ITPRID2: variants seen among roughly 807,000 people sequenced by gnomAD.
ITPRID2 encodes protein ITPRID2.
A neutral mutation model predicts 124.3 loss-of-function variants in ITPRID2; 60 were observed. That is an observed-to-expected ratio of 0.48 (90% CI 0.39 to 0.60). The LOEUF (loss-of-function observed/expected upper bound fraction) is 0.60. Among genes scored for constraint, ITPRID2 ranks in the 20% least tolerant of loss-of-function variants. The probability of loss-of-function intolerance (pLI) is 0.00; values close to 1 mark genes in which losing one functional copy is unlikely to be tolerated. For missense variants in ITPRID2, 1,553 were observed against 1,512.2 expected (o/e 1.03, Z -0.45); for synonymous variants, 521 against 542.9 (o/e 0.96, Z 0.56).
Position 181,917,120 on chromosome 2 carries a change from C to T in ITPRID2, c.2787+693C>T, listed in dbSNP as rs150402366. ...CCCAAAAAAATTTTGAAAATAAGTA[C>T]GTTGTCTTCAGTTTTGCCTTTTACA... On this transcript the variant is annotated intron_variant, in intron 11 of 17. Coordinates refer to ENST00000431877, the MANE Select transcript of ITPRID2 (RefSeq NM_001130445.3). 36 of 501,010 alleles carry T rather than the reference C, an allele frequency of 7.2e-5. No individual in the cohort carries two copies. The East Asian group carries it at 3.3e-3, about 46-fold the overall frequency. The allele number at this position is 501,010 out of a possible 1,614,324, so 31.0% of individuals were successfully genotyped here.
chr2:181,903,922 A>G (rs759736146), intron 8 of ITPRID2, among the ~76,000 whole-genome samples: 1 of 152,174 alleles, frequency 6.6e-6, no homozygotes, highest in Non-Finnish European at 1.5e-5. Context: ...TGACAATTAG[A>G]TATGGCAGTT....
intron 9 of ITPRID2, among the ~76,000 whole-genome samples, chr2:181,911,799 TAGA>T (rs1284659058): frequency 1.3e-5 from 2 of 152,334 alleles, no homozygotes; most frequent in Non-Finnish European, 2.9e-5. Context: ...GTGAGATAGA[TAGA>T]AGAATTATTA....
intron 16 of ITPRID2, 38 bp from the exon 17 acceptor site, chr2:181,928,123 T>TTTACC: frequency 7.5e-7 from 1 of 1,340,170 alleles, no homozygotes; most frequent in South Asian, 1.4e-5. Flanking sequence ...ATTCCATTCA[T>TTTACC]ATTGGTAAAT....
intron 15 of ITPRID2, 69 bp downstream of exon 15, chr2:181,920,731 A>G (rs775965441): frequency 8.9e-7 from 1 of 1,128,480 alleles, no homozygotes; most frequent in Non-Finnish European, 1.3e-6. Flanking sequence ...TAGTTTCCCT[A>G]GTTTAGATGA....
chr2:181,892,372 G>T lies in ITPRID2; in HGVS notation c.211+95G>T. ...CTGCCACGAGTTCTGGGAGAGCCTC[G>T]GGCACGGTAGGCCGAGGGGAGAGGG... On this transcript the variant is annotated intron_variant, in intron 1 of 17. Coordinates refer to ENST00000431877, the MANE Select transcript of ITPRID2 (RefSeq NM_001130445.3). This position sits in a 1 kb window ranked among gnomAD's most constrained non-coding sequence, Gnocchi z 5.2. The T allele has an allele frequency of 7.3e-7, 1 of 1,374,650 alleles. No homozygotes were observed. The highest frequency in any genetic ancestry group is 1.4e-5 in the African/African-American group (1 of 69,314). 85.2% of individuals were successfully genotyped at this position (1,374,650 alleles called of 1,614,324 possible).
At chr2:181,893,696 A>G (rs1296019049) in intron 2 of ITPRID2, 1 of 152,240 alleles carries the variant, frequency 6.6e-6, no homozygotes, top group East Asian at 1.9e-4. Flanking sequence ...AGATGCACAG[A>G]GGCAAATACA....
At position 181,916,340 on chromosome 2, in the gene ITPRID2, G is replaced by A. The variant is rs1003905653; in HGVS notation, c.2700G>A (p.Val900=). ...SHRHATYPYR[V]CSVNPPSAIE... Reference sequence around the variant, plus strand: ...GACATGCCACCTACCCTTACCGAGTGTGCTCTGTGAATCCTCCTTCAGCCA... The same window carrying A: ...GACATGCCACCTACCCTTACCGAGTATGCTCTGTGAATCCTCCTTCAGCCA... The change falls in exon 11 of 18, where the codon GTG becomes GTA. Residue 900 remains valine (V), a synonymous_variant. Transcript: ENST00000431877. 1.9e-6 allele frequency: 3 copies of A among 1,614,194 alleles called. No individual in the cohort carries two copies. Among genetic ancestry groups the A allele is most frequent in the Non-Finnish European group, 2.5e-6 (3 of 1,180,034 alleles).
chr2:181,903,514 T>C (rs774548145), intron 8 of ITPRID2, among the ~76,000 whole-genome samples: 2 of 151,940 alleles, frequency 1.3e-5, no homozygotes, highest in African/African-American at 2.4e-5. Context: ...TCTCTCTTGC[T>C]CCCTCCCTCC....
Position 181,892,588 on chromosome 2 carries a change from C to G in ITPRID2, c.212-27C>G, listed in dbSNP as rs368099247. ...CCGTCGTAGTGCTCCTGGGTGGTAA[C>G]GTGCTGTCCCCTCTCTCTACCCCCA... On this transcript the variant is annotated intron_variant, in intron 1 of 17. Coordinates refer to ENST00000431877, the MANE Select transcript of ITPRID2 (RefSeq NM_001130445.3). This position sits in a 1 kb window ranked among gnomAD's most constrained non-coding sequence, Gnocchi z 5.2. 8.9e-5 allele frequency: 143 copies of G among 1,613,916 alleles called. 2 individuals are homozygous for G. The highest frequency in any genetic ancestry group is 4.9e-4 in the Middle Eastern group (3 of 6,084).
At chr2:181,920,576 A>G (rs1694410282) in intron 14 of ITPRID2, 21 bp from the exon 15 acceptor site, 2 of 1,585,058 alleles carry the variant, frequency 1.3e-6, no homozygotes, top group South Asian at 1.1e-5. Flanking sequence ...ATACATATAT[A>G]TATTGTTCTT....
Position 181,910,531 on chromosome 2 carries a change from G to A in ITPRID2, c.1486+560G>A, listed in dbSNP as rs1693517460. On this transcript the variant is annotated intron_variant, in intron 9 of 17. Transcript: ENST00000431877. This position sits in a 1 kb window ranked among gnomAD's most constrained non-coding sequence, Gnocchi z 4.1. ...AATCCATCCCTTTCACTTTTAACTT[G>A]CAACAACAACAACAACAAAAATGTG... 1 of 654,502 alleles carries A rather than the reference G, an allele frequency of 1.5e-6. No individual in the cohort carries two copies. The highest frequency in any genetic ancestry group is 2.8e-5 in the East Asian group (1 of 35,274). The allele number at this position is 654,502 out of a possible 1,614,324, so 40.5% of individuals were successfully genotyped here. A position where few individuals can be genotyped will look rare whatever the true frequency, so the allele number is the denominator to read the frequency against.
Position 181,915,412 on chromosome 2 carries a change from C to G in ITPRID2, c.1772C>G (p.Ser591Ter). The part of the protein sequence containing the change: ...KAAAVADKRK[S>*]GSQDFPQCNT... Reference sequence around the variant, plus strand: ...GCAGCAGTTGCAGACAAAAGAAAATCAGGTAGCCAGGATTTCCCTCAGTGC... The same window carrying G: ...GCAGCAGTTGCAGACAAAAGAAAATGAGGTAGCCAGGATTTCCCTCAGTGC... The change falls in exon 11 of 18, where the codon TCA becomes TGA. Residue 591 changes from serine (S) to a stop codon, truncating the protein, a stop_gained. Transcript: ENST00000431877. LOFTEE classifies it high-confidence loss of function. 6.2e-7 allele frequency: 1 copy of G among 1,614,116 alleles called. No individual in the cohort carries two copies. The highest frequency in any genetic ancestry group is 8.5e-7 in the Non-Finnish European group (1 of 1,180,022).
rs1229814644 is a variant in ITPRID2, at chr2:181,907,290, A to G, written c.1414-2609A>G. On this transcript the variant is annotated intron_variant, in intron 8 of 17. Transcript: ENST00000431877. This position sits in a 1 kb window ranked among gnomAD's most constrained non-coding sequence, Gnocchi z 5.1. ...AAAGAAACCAAAGTGAGTGCCTGTCATTTTAGCAGAACATTGATTTAGAAA... is the reference window on the plus strand; with the variant it reads ...AAAGAAACCAAAGTGAGTGCCTGTCGTTTTAGCAGAACATTGATTTAGAAA... Among the ~76,000 whole-genome samples, 1 of 152,194 alleles carries G rather than the reference A, an allele frequency of 6.6e-6. No individual in the cohort carries two copies. Among genetic ancestry groups the G allele is most frequent in the African/African-American group, 2.4e-5 (1 of 41,452 alleles).
At chr2:181,918,330 A>G in intron 11 of ITPRID2, 1 of 1,193,906 alleles carries the variant, frequency 8.4e-7, no homozygotes, top group Non-Finnish European at 1.0e-6. Context: ...TAGTTTCGCA[A>G]GAGGGAAGTC....
rs1022183726 is a variant in ITPRID2, at chr2:181,896,769, A to G, written c.308-139A>G. 7.2e-6 allele frequency: 5 copies of G among 693,340 alleles called. No individual in the cohort carries two copies. The highest frequency in any genetic ancestry group is 1.3e-5 in the Non-Finnish European group (5 of 388,134). 42.9% of individuals were successfully genotyped at this position (693,340 alleles called of 1,614,324 possible). A position where few individuals can be genotyped will look rare whatever the true frequency, so the allele number is the denominator to read the frequency against. Reference sequence around the variant, plus strand: ...TGCTTCTTGAAGTTATATAATCAGAATAATGTCTGAGTACATTCAAGTCTG... The same window carrying G: ...TGCTTCTTGAAGTTATATAATCAGAGTAATGTCTGAGTACATTCAAGTCTG... On this transcript the variant is annotated intron_variant, in intron 3 of 17. Coordinates refer to ENST00000431877, the MANE Select transcript of ITPRID2 (RefSeq NM_001130445.3). The surrounding 1 kb of genome is among the most constrained non-coding windows in gnomAD (Gnocchi z 4.3).
At position 181,922,377 on chromosome 2, in the gene ITPRID2, G is replaced by A. The variant is rs2071644936; in HGVS notation, c.3640G>A (p.Val1214Met). 6.2e-7 allele frequency: 1 copy of A among 1,613,554 alleles called. No homozygotes were observed. Among genetic ancestry groups the A allele is most frequent in the Non-Finnish European group, 8.5e-7 (1 of 1,179,740 alleles). The change falls in exon 16 of 18, where the codon GTG becomes ATG. Residue 1214 changes from valine (V) to methionine (M), a missense_variant. Val to Met is a conservative substitution (Grantham distance 21). Transcript: ENST00000431877. Reference sequence around the variant, plus strand: ...AGCTGCTGAGGAAATGCATAAAAATGTGGAGCAAGATGAGTTGCAGCAAGT... The same window carrying A: ...AGCTGCTGAGGAAATGCATAAAAATATGGAGCAAGATGAGTTGCAGCAAGT... ...MPAAEEMHKN[V>M]EQDELQQVIR...
intron 15 of ITPRID2, among the ~76,000 whole-genome samples, chr2:181,921,610 TAGAC>T (rs756247098): frequency 5.3e-5 from 8 of 152,238 alleles, no homozygotes; most frequent in South Asian, 2.1e-4. Context: ...TTTATTGTGT[TAGAC>T]AGATTGGTTC....
intron 9 of ITPRID2, among the ~76,000 whole-genome samples, chr2:181,911,994 TG>T (rs1210787821): frequency 7.2e-4 from 110 of 152,310 alleles, no homozygotes; most frequent in African/African-American, 2.6e-3. Flanking sequence ...GAGGTGAACT[TG>T]GCAGACTGTA....
At chr2:181,927,378 A>G (rs1193552427) in intron 16 of ITPRID2, among the ~76,000 whole-genome samples, 1 of 152,226 alleles carries the variant, frequency 6.6e-6, no homozygotes, top group South Asian at 2.1e-4. Flanking sequence ...ATGCTGTATC[A>G]TTAGAGAGAA....
Sources: gnomAD v4.1 joint callset for allele counts (sites outside exome capture counted in the v4.1 genomes callset) on GRCh38, gnomAD v4.1.1 for gene constraint, Gnocchi (gnomAD v3.1) non-coding constraint, MANE v1.5 for transcripts, NCBI Gene and HGNC (gene_info 2026-07-23, HGNC 2026-07-21) for gene names.